The following ABCA12 variants were observed in gnomAD, a reference collection of about 807,000 sequenced individuals.
The protein encoded by ABCA12 is ATP binding cassette subfamily A member 12.
Under a neutral mutation model 293.5 loss-of-function variants are expected in ABCA12, and 156 were observed. The observed-to-expected ratio is 0.53, with a 90% CI of 0.47 to 0.61. The LOEUF (loss-of-function observed/expected upper bound fraction) is 0.61. Among genes scored for constraint, ABCA12 ranks in the 20% least tolerant of loss-of-function variants. The probability of loss-of-function intolerance (pLI) is 0.00; values close to 1 mark genes in which losing one functional copy is unlikely to be tolerated. For missense variants in ABCA12, 2,797 were observed against 3,090.2 expected (o/e 0.91, Z 2.25); for synonymous variants, 1,063 against 1,108.0 (o/e 0.96, Z 0.81).
intron 9 of ABCA12, 142 bp from the exon 10 acceptor site, chr2:215,027,080 C>CA: frequency 1.6e-6 from 1 of 637,000 alleles, no homozygotes; most frequent in Non-Finnish European, 2.9e-6. Context: ...CGCGGTGGCT[C>CA]ACGCCTGTAA....
chr2:215,060,699 G>C, intron 3 of ABCA12, among the ~76,000 whole-genome samples: 1 of 152,056 alleles, frequency 6.6e-6, no homozygotes, highest in East Asian at 1.9e-4. Context: ...ATAACCAAAT[G>C]AAGGCAAACA....
At chr2:214,974,615 T>C (rs1267804320) in intron 35 of ABCA12, among the ~76,000 whole-genome samples, 163 bp downstream of exon 35, 1 of 152,182 alleles carries the variant, frequency 6.6e-6, no homozygotes, top group African/African-American at 2.4e-5. Context: ...ATAGGATAAC[T>C]AAGAAATGAA....
chr2:214,949,125 CA>C lies in ABCA12; in HGVS notation c.6876del (p.Asn2292LysfsTer12). 1 of 1,613,620 alleles carries C rather than the reference CA, an allele frequency of 6.2e-7. No individual in the cohort carries two copies. Among genetic ancestry groups the C allele is most frequent in the Non-Finnish European group, 8.5e-7 (1 of 1,179,854 alleles). ...AGECFGLLGV[N>X]GAGKTTIFKM... The stretch of plus-strand genomic sequence containing the variant: ...TTGAATATAGTGGTCTTTCCTGCTC[CA>C]TTCACTCCAAGAAGCCCAAAACACT... On this transcript the variant is annotated frameshift_variant, in exon 46 of 53. Transcript: ENST00000272895. LOFTEE classifies it high-confidence loss of function.
chr2:215,102,781 G>T (rs1192949365), intron 2 of ABCA12, among the ~76,000 whole-genome samples: 1 of 152,118 alleles, frequency 6.6e-6, no homozygotes, highest in Non-Finnish European at 1.5e-5. Flanking sequence ...AATGACACTG[G>T]TTATCTAACT....
intron 14 of ABCA12, among the ~76,000 whole-genome samples, chr2:215,016,833 T>C (rs1700516305): frequency 6.6e-6 from 1 of 152,240 alleles, no homozygotes; most frequent in Middle Eastern, 3.4e-3. Flanking sequence ...AGATGTCATC[T>C]TTATTGCCAC....
At chr2:215,065,109 G>A (rs763800877) in intron 2 of ABCA12, among the ~76,000 whole-genome samples, 30 of 151,672 alleles carry the variant, frequency 2.0e-4, no homozygotes, top group African/African-American at 3.6e-4. Context: ...TATAAAATAC[G>A]ATGATGGCAT....
intron 36 of ABCA12, among the ~76,000 whole-genome samples, chr2:214,971,215 A>G (rs1052213993): frequency 6.6e-6 from 1 of 152,144 alleles, no homozygotes. Context: ...TCAAGAACAT[A>G]AAGTTCCAGC....
At chr2:214,944,671 A>C (rs1698520040) in intron 49 of ABCA12, among the ~76,000 whole-genome samples, 1 of 152,058 alleles carries the variant, frequency 6.6e-6, no homozygotes, top group South Asian at 2.1e-4. Context: ...AGACGAGTTA[A>C]GAGGGCCATA....
intron 39 of ABCA12, among the ~76,000 whole-genome samples, chr2:214,966,278 T>A (rs1017676926): frequency 1.3e-5 from 2 of 152,162 alleles, no homozygotes; most frequent in Non-Finnish European, 1.5e-5. Flanking sequence ...GAAGAATAGC[T>A]AATGGATGCT....
chr2:215,129,601 T>C (rs969643224), intron 1 of ABCA12, among the ~76,000 whole-genome samples: 1 of 151,084 alleles, frequency 6.6e-6, no homozygotes, highest in Non-Finnish European at 1.5e-5. Flanking sequence ...TGTTGATTTG[T>C]TTGAGTTCGT....
At chr2:214,989,036 G>A (rs897239224) in intron 26 of ABCA12, among the ~76,000 whole-genome samples, 23 of 149,746 alleles carry the variant, frequency 1.5e-4, no homozygotes, top group Middle Eastern at 3.2e-3. Flanking sequence ...AAAATTAGCC[G>A]GGCGTGGTGG....
chr2:215,052,154 G>C (rs1002504535), intron 5 of ABCA12, among the ~76,000 whole-genome samples: 1 of 152,076 alleles, frequency 6.6e-6, no homozygotes, highest in Non-Finnish European at 1.5e-5. Flanking sequence ...CAAATTCGAA[G>C]AGCATTATAA....
chr2:214,949,307 C>A (rs1698677185), intron 45 of ABCA12, among the ~76,000 whole-genome samples, 158 bp from the exon 46 acceptor site: 1 of 150,754 alleles, frequency 6.6e-6, no homozygotes, highest in Non-Finnish European at 1.5e-5. Flanking sequence ...ATAAAACTTT[C>A]TTTTTTAAAA....
Position 214,943,688 on chromosome 2 carries a change from C to T in ABCA12, c.7344-671G>A, listed in dbSNP as rs1698483280. The stretch of plus-strand genomic sequence containing the variant: ...ATAACACTAAGCTTTTTCCATTATG[C>T]TACGTACCCCATATTCTGTTGGCTT... On this transcript the variant is annotated intron_variant, in intron 49 of 52. Coordinates refer to ENST00000272895, the MANE Select transcript of ABCA12 (RefSeq NM_173076.3). Among the ~76,000 whole-genome samples, 3 of 152,080 alleles carry T rather than the reference C, an allele frequency of 2.0e-5. No individual in the cohort carries two copies. The South Asian group carries it at 6.2e-4, about 31-fold the overall frequency.
chr2:215,085,876 G>A (rs76313559), intron 2 of ABCA12, among the ~76,000 whole-genome samples: 3,026 of 152,220 alleles, frequency 0.02, 37 homozygotes, highest in South Asian at 0.05. Context: ...GTCAAATAAT[G>A]TTATGTAATC....
At chr2:214,985,577 C>G (rs555176904) in intron 28 of ABCA12, among the ~76,000 whole-genome samples, 2 of 152,190 alleles carry the variant, frequency 1.3e-5, no homozygotes, top group African/African-American at 4.8e-5. Context: ...AAAATCTGGC[C>G]TTTTTGGCAT....
At chr2:214,941,944 T>G (rs553930277) in intron 50 of ABCA12, among the ~76,000 whole-genome samples, 1 of 152,338 alleles carries the variant, frequency 6.6e-6, no homozygotes, top group Admixed American at 6.5e-5. Flanking sequence ...CTGGGGCATT[T>G]AGCCCGTTTA....
intron 48 of ABCA12, among the ~76,000 whole-genome samples, chr2:214,946,187 A>G (rs1698576992): frequency 6.6e-6 from 1 of 152,186 alleles, no homozygotes; most frequent in African/African-American, 2.4e-5. Context: ...ACTGTACTCC[A>G]TAAATATGTA....
chr2:214,972,936 C>G (rs1018449891), intron 36 of ABCA12, among the ~76,000 whole-genome samples: 1 of 152,106 alleles, frequency 6.6e-6, no homozygotes, highest in Non-Finnish European at 1.5e-5. Context: ...ACCTCAGCCT[C>G]CTGAGTAGCT....
Sources: gnomAD v4.1 joint callset for allele counts (sites outside exome capture counted in the v4.1 genomes callset) on GRCh38, gnomAD v4.1.1 for gene constraint, MANE v1.5 for transcripts, NCBI Gene and HGNC (gene_info 2026-07-23, HGNC 2026-07-21) for gene names.